UVRAG: variants seen among roughly 807,000 people sequenced by gnomAD.
The protein encoded by UVRAG is UV radiation resistance-associated gene protein.
A neutral mutation model predicts 78.0 loss-of-function variants in UVRAG; 19 were observed. The observed-to-expected ratio is 0.24, with a 90% CI of 0.17 to 0.36. The LOEUF (loss-of-function observed/expected upper bound fraction) is 0.36. UVRAG is among the 10% of genes least tolerant of loss of function. UVRAG has a pLI of 1.00. For synonymous variants in UVRAG, 323 were observed against 324.6 expected (o/e 1.00, Z 0.05); for missense variants, 740 against 853.8 (o/e 0.87, Z 1.66).
At position 75,874,070 on chromosome 11, in the gene UVRAG, G is replaced by C. The variant is rs533383276; in HGVS notation, c.271-5809G>C. On this transcript the variant is annotated intron_variant, in intron 3 of 14. Transcript: ENST00000356136. ...CAGCTCTAGTCAGCTGTAGAGTCTG[G>C]TGATGGAGCAGCAAGAGCAAGTGTG... 7.5e-4 allele frequency among the ~76,000 whole-genome samples: 115 copies of C among 152,326 alleles called. 1 individual carries two copies. The highest frequency in any genetic ancestry group is 2.7e-3 in the African/African-American group (111 of 41,570).
intron 7 of UVRAG, among the ~76,000 whole-genome samples, chr11:75,977,534 G>T (rs893705097): frequency 6.6e-6 from 1 of 152,162 alleles, no homozygotes; most frequent in African/African-American, 2.4e-5. Context: ...CTAAGGACTT[G>T]CTTTATTAAT....
intron 14 of UVRAG, among the ~76,000 whole-genome samples, chr11:76,123,588 A>AT (rs1223457959): frequency 1.3e-5 from 2 of 152,056 alleles, no homozygotes; most frequent in Non-Finnish European, 2.9e-5. Flanking sequence ...TTTTCATAGG[A>AT]TTTTTTTATT....
intron 6 of UVRAG, among the ~76,000 whole-genome samples, chr11:75,926,146 C>G (rs1948098554): frequency 6.6e-6 from 1 of 152,134 alleles, no homozygotes; most frequent in Admixed American, 6.5e-5. Context: ...CTGGAGCCCT[C>G]CAGAGTGTGC....
chr11:76,007,396 T>C (rs929651720), intron 9 of UVRAG, 138 bp from the exon 10 acceptor site: 1 of 650,614 alleles, frequency 1.5e-6, no homozygotes, highest in African/African-American at 1.8e-5. Context: ...GTAACTATTA[T>C]TTATGCTTCT....
chr11:76,133,607 GTCT>G (rs1215141240), intron 14 of UVRAG, among the ~76,000 whole-genome samples: 2 of 152,096 alleles, frequency 1.3e-5, no homozygotes, highest in African/African-American at 4.8e-5. Flanking sequence ...GCTGAATATG[GTCT>G]TCTTCATTTT....
chr11:76,075,696 T>C (rs1951391455), intron 13 of UVRAG, among the ~76,000 whole-genome samples: 2 of 152,182 alleles, frequency 1.3e-5, no homozygotes, highest in South Asian at 2.1e-4. Flanking sequence ...TTATAGAACA[T>C]TTTCATTGCC....
chr11:75,911,940 T>A lies in UVRAG; in HGVS notation c.508-14T>A, dbSNP rs778353964. ...TGTTTGGTTTTGATTAATTTGTTGG[T>A]TAATGTCTTTCAGGGTTATTCAAAT... On this transcript the variant is annotated splice_polypyrimidine_tract_variant and intron_variant, in intron 5 of 14. Coordinates refer to ENST00000356136, the MANE Select transcript of UVRAG (RefSeq NM_003369.4). The A allele has an allele frequency of 6.4e-7, 1 of 1,570,392 alleles. No individual in the cohort carries two copies. Among genetic ancestry groups the A allele is most frequent in the Non-Finnish European group, 8.7e-7 (1 of 1,145,246 alleles).
chr11:75,999,303 A>G (rs1180937327), intron 8 of UVRAG, among the ~76,000 whole-genome samples: 2 of 152,120 alleles, frequency 1.3e-5, no homozygotes, highest in Admixed American at 6.5e-5. Flanking sequence ...TAGCATACAT[A>G]AAGTAAAATG....
chr11:75,966,534 C>T (rs957700653), intron 7 of UVRAG, among the ~76,000 whole-genome samples: 2 of 152,004 alleles, frequency 1.3e-5, no homozygotes, highest in African/African-American at 4.8e-5. Context: ...CAATTTTTGT[C>T]GACATATATG....
At chr11:75,815,808 G>A (rs1055746232) in intron 1 of UVRAG, among the ~76,000 whole-genome samples, 1 of 152,124 alleles carries the variant, frequency 6.6e-6, no homozygotes, top group African/African-American at 2.4e-5. Flanking sequence ...GCCCGAGGCC[G>A]CCTCCCCCAA....
At chr11:76,126,354 G>C (rs533659950) in intron 14 of UVRAG, among the ~76,000 whole-genome samples, 1 of 152,200 alleles carries the variant, frequency 6.6e-6, no homozygotes, top group Non-Finnish European at 1.5e-5. Context: ...TTGTAGACAT[G>C]TAATAAACAT....
chr11:75,920,006 TGG>T (rs1409333619), intron 6 of UVRAG, among the ~76,000 whole-genome samples: 8 of 134,594 alleles, frequency 5.9e-5, no homozygotes, highest in Admixed American at 2.4e-4. Flanking sequence ...AAAATAATTT[TGG>T]TTTTTTTTTT....
At chr11:75,854,080 C>T (rs753055780) in intron 2 of UVRAG, among the ~76,000 whole-genome samples, 11 of 152,230 alleles carry the variant, frequency 7.2e-5, no homozygotes, top group African/African-American at 2.4e-4. Flanking sequence ...CCAGTCCATT[C>T]CATATTTTTG....
intron 1 of UVRAG, among the ~76,000 whole-genome samples, chr11:75,849,710 T>C (rs910219468): frequency 1.3e-5 from 2 of 152,150 alleles, no homozygotes; most frequent in African/African-American, 2.4e-5. Context: ...TTAACTATAA[T>C]AAAGGCCGAA....
In UVRAG at chr11:75,920,635, T is replaced by A. The variant is rs140934836; in HGVS notation, c.593+8596T>A. On this transcript the variant is annotated intron_variant, in intron 6 of 14. Transcript: ENST00000356136. ...AAACCACCCAAACACAGAACATAGG[T>A]CCGCATGACCCCTAGTCACCCTTCA... Among the ~76,000 whole-genome samples the A allele has an allele frequency of 2.7e-3, 412 of 152,142 alleles. 2 individuals are homozygous for A. The highest frequency in any genetic ancestry group is 9.4e-3 in the African/African-American group (391 of 41,490).
rs981306089 is a variant in UVRAG at position 75,948,713 on chromosome 11, A to G, written c.594-12731A>G. On this transcript the variant is annotated intron_variant, in intron 6 of 14. Transcript: ENST00000356136. ...TATCAACATGACTAGAAGTACATAT[A>G]TGTTAATTACCCATAGATACATAAT... 3.3e-5 allele frequency among the ~76,000 whole-genome samples: 5 copies of G among 152,166 alleles called. No individual in the cohort carries two copies. The East Asian group carries it at 7.7e-4, about 23-fold the overall frequency.
intron 6 of UVRAG, among the ~76,000 whole-genome samples, chr11:75,920,128 C>T (rs1259333854): frequency 1.5e-5 from 2 of 136,032 alleles, no homozygotes; most frequent in East Asian, 4.8e-4. Context: ...CCAGTTCAAG[C>T]GATTCTTCTG....
intron 4 of UVRAG, among the ~76,000 whole-genome samples, chr11:75,887,772 C>T (rs1947119719): frequency 6.6e-6 from 1 of 151,868 alleles, no homozygotes; most frequent in South Asian, 2.1e-4. Flanking sequence ...TTAGTAGAGA[C>T]GGGGTTTCGC....
At chr11:75,938,428 C>G (rs185832717) in intron 6 of UVRAG, among the ~76,000 whole-genome samples, 9 of 152,266 alleles carry the variant, frequency 5.9e-5, no homozygotes, top group African/African-American at 2.2e-4. Flanking sequence ...CAGGCATTGT[C>G]AATTTTACCT....
Sources: gnomAD v4.1 joint callset for allele counts (sites outside exome capture counted in the v4.1 genomes callset) on GRCh38, gnomAD v4.1.1 for gene constraint, MANE v1.5 for transcripts, NCBI Gene and HGNC (gene_info 2026-07-23, HGNC 2026-07-21) for gene names.